The following ZEB1 variants were observed in gnomAD, a reference collection of about 807,000 sequenced individuals.
The protein encoded by ZEB1 is zinc finger E-box-binding homeobox 1.
Under a neutral mutation model 84.9 loss-of-function variants are expected in ZEB1, and 21 were observed. The ratio of observed to expected loss-of-function variants is 0.25; its 90% CI spans 0.18 to 0.36. The LOEUF is 0.36. Ranked by LOEUF, ZEB1 falls within the 10% of genes least tolerant of loss-of-function variation. The pLI, the probability that ZEB1 is intolerant of heterozygous loss-of-function variation, is 1.00. For synonymous variants in ZEB1, 420 were observed against 471.1 expected, an observed-to-expected ratio of 0.89 and a Z score of 1.41; for missense variants, 1,104 against 1,330.2, an observed-to-expected ratio of 0.83 and a Z score of 2.65.
intron 1 of ZEB1, among the ~76,000 whole-genome samples, chr10:31,434,664 G>A (rs2058087763): frequency 6.6e-6 from 1 of 152,078 alleles, no homozygotes; most frequent in South Asian, 2.1e-4. Flanking sequence ...ACTGACACAT[G>A]ATCAGAACAC....
intron 6 of ZEB1, 82 bp downstream of exon 6, chr10:31,514,790 A>G (rs2070768891): frequency 2.6e-6 from 3 of 1,142,740 alleles, no homozygotes; most frequent in Admixed American, 2.0e-5. Context: ...TAATCTACGT[A>G]CATGATCAGA....
chr10:31,417,177 C>A (rs563987091), intron 1 of ZEB1, among the ~76,000 whole-genome samples: 1 of 152,230 alleles, frequency 6.6e-6, no homozygotes, highest in Non-Finnish European at 1.5e-5. Context: ...AAACTAAACT[C>A]AGCCTAAAAA....
intron 1 of ZEB1, among the ~76,000 whole-genome samples, chr10:31,362,461 G>A (rs1234080689): frequency 6.6e-6 from 1 of 151,500 alleles, no homozygotes; most frequent in Non-Finnish European, 1.5e-5. Context: ...CTGGGCAGAG[G>A]CGCTCCTCAC....
chr10:31,477,892 A>G (rs973054033), intron 2 of ZEB1, among the ~76,000 whole-genome samples: 6 of 151,934 alleles, frequency 3.9e-5, no homozygotes, highest in African/African-American at 1.4e-4. Flanking sequence ...TAAATGTAAG[A>G]TGTGAAACTT....
Position 31,500,961 on chromosome 10 carries a change from A to G in ZEB1, c.323-1387A>G, listed in dbSNP as rs972678686. On this transcript the variant is annotated intron_variant, in intron 3 of 8. Coordinates refer to ENST00000424869, the MANE Select transcript of ZEB1 (RefSeq NM_001174096.2). ...AATTGATAGCTATTGAAAAGTGGGG[A>G]AAAAAATTAGGATCACCATTTGTTA... Among the ~76,000 whole-genome samples the G allele has an allele frequency of 9.8e-5, 15 of 152,298 alleles. No homozygotes were observed. The South Asian group carries it at 1.0e-3, about 11-fold the overall frequency.
chr10:31,363,144 C>T, intron 1 of ZEB1: 1 of 1,533,942 alleles, frequency 6.5e-7, no homozygotes, highest in South Asian at 1.2e-5. Context: ...CTGCAGGATC[C>T]TTGGGCTGCA....
chr10:31,352,635 G>A lies in ZEB1; in HGVS notation c.58+33343G>A, dbSNP rs114811322. On this transcript the variant is annotated intron_variant, in intron 1 of 8. Transcript: ENST00000424869. ...CTGGCAGTGGATGCAGGCTGCTGGC[G>A]TGGAGCACAGTTGGGGGTGGCCTGG... 7.1e-3 allele frequency among the ~76,000 whole-genome samples: 1,076 copies of A among 152,294 alleles called. 13 individuals carry two copies. Among genetic ancestry groups the A allele is most frequent in the African/African-American group, 0.024 (985 of 41,562 alleles).
intron 2 of ZEB1, among the ~76,000 whole-genome samples, chr10:31,464,872 A>G (rs1017455344): frequency 1.3e-5 from 2 of 152,206 alleles, no homozygotes; most frequent in Non-Finnish European, 2.9e-5. Flanking sequence ...AGAAAAACTG[A>G]AGGCAGTTTT....
At chr10:31,400,626 A>G (rs1426760239) in intron 1 of ZEB1, among the ~76,000 whole-genome samples, 2 of 152,038 alleles carry the variant, frequency 1.3e-5, no homozygotes, top group Non-Finnish European at 2.9e-5. Context: ...TACAGTAGGA[A>G]TTTTTTTACA....
At chr10:31,457,137 C>A (rs1372951337) in intron 1 of ZEB1, among the ~76,000 whole-genome samples, 1 of 152,030 alleles carries the variant, frequency 6.6e-6, no homozygotes, top group African/African-American at 2.4e-5. Flanking sequence ...TGATGATCAC[C>A]TATGATTGTT....
intron 1 of ZEB1, among the ~76,000 whole-genome samples, chr10:31,440,941 T>C (rs2058876042): frequency 6.6e-6 from 1 of 152,174 alleles, no homozygotes; most frequent in Non-Finnish European, 1.5e-5. Context: ...TCCATGCTCA[T>C]GGATAGGAAG....
chr10:31,360,946 C>T, intron 1 of ZEB1: 2 of 1,596,606 alleles, frequency 1.3e-6, no homozygotes, highest in Admixed American at 1.7e-5. Flanking sequence ...CTGGAGGAAG[C>T]AGCTAACTAT....
chr10:31,505,061 C>A (rs1268692138), intron 4 of ZEB1, among the ~76,000 whole-genome samples: 1 of 151,946 alleles, frequency 6.6e-6, no homozygotes, highest in Non-Finnish European at 1.5e-5. Context: ...TTGTTCCATG[C>A]AGTATGCTGT....
chr10:31,371,526 T>C lies in ZEB1; in HGVS notation c.58+52234T>C, dbSNP rs1050098473. Reference sequence around the variant, plus strand: ...TATTTTCTGCTTTAAAAAATGCTTCTTGATATAAAGTCTTCTCAGATCAGT... The same window carrying C: ...TATTTTCTGCTTTAAAAAATGCTTCCTGATATAAAGTCTTCTCAGATCAGT... On this transcript the variant is annotated intron_variant, in intron 1 of 8. Transcript: ENST00000424869. Among the ~76,000 whole-genome samples the C allele has an allele frequency of 2.6e-5, 4 of 152,192 alleles. No homozygotes were observed. The South Asian group carries it at 6.2e-4, about 24-fold the overall frequency.
In ZEB1 at chr10:31,527,421, A is replaced by ACG. The variant is rs1299624509; in HGVS notation, c.*158_*159insGC. On this transcript the variant is annotated 3_prime_UTR_variant, in exon 9 of 9. Coordinates refer to ENST00000424869, the MANE Select transcript of ZEB1 (RefSeq NM_001174096.2). ...AAAATACAAAATACAAAACACACACACACACACACACACACACACACACAC... is the reference window on the plus strand; with the variant it reads ...AAAATACAAAATACAAAACACACACACGCACACACACACACACACACACACAC... The ACG allele has an allele frequency of 6.5e-6, 4 of 616,974 alleles. No homozygotes were observed. The Admixed American group carries it at 1.3e-4, about 20-fold the overall frequency. 38.2% of individuals were successfully genotyped at this position (616,974 alleles called of 1,614,324 possible).
At chr10:31,464,522 G>T (rs1428426797) in intron 2 of ZEB1, among the ~76,000 whole-genome samples, 1 of 152,046 alleles carries the variant, frequency 6.6e-6, no homozygotes, top group African/African-American at 2.4e-5. Flanking sequence ...GATTCAAAAA[G>T]CCCAAATGGA....
chr10:31,375,718 C>T (rs924178254), intron 1 of ZEB1, among the ~76,000 whole-genome samples: 11 of 151,094 alleles, frequency 7.3e-5, no homozygotes, highest in South Asian at 2.1e-4. Context: ...AAATGAGTTG[C>T]GAATTACAGT....
intron 1 of ZEB1, among the ~76,000 whole-genome samples, chr10:31,415,736 G>A (rs1487406573): frequency 6.6e-6 from 1 of 151,998 alleles, no homozygotes; most frequent in Non-Finnish European, 1.5e-5. Context: ...TGGGATATTT[G>A]TTGTCTTTTT....
intron 1 of ZEB1, among the ~76,000 whole-genome samples, chr10:31,376,274 A>G (rs2046608240): frequency 6.6e-6 from 1 of 151,734 alleles, no homozygotes; most frequent in Non-Finnish European, 1.5e-5. Context: ...GTCCTTAAGT[A>G]TACCTTGCAA....
Sources: gnomAD v4.1 joint callset for allele counts (sites outside exome capture counted in the v4.1 genomes callset) on GRCh38, gnomAD v4.1.1 for gene constraint, MANE v1.5 for transcripts, NCBI Gene and HGNC (gene_info 2026-07-23, HGNC 2026-07-21) for gene names.